Variants in SUSD1 observed in about 807,000 individuals in gnomAD.
SUSD1 encodes the protein sushi domain containing 1, also known as sushi domain-containing protein 1.
In SUSD1, 65 loss-of-function variants were observed where a neutral mutation model predicts 86.9. That is an observed-to-expected ratio of 0.75 (90% CI 0.61 to 0.92). SUSD1 has a LOEUF of 0.92. Ranked by LOEUF, SUSD1 falls within the 40% of genes least tolerant of loss-of-function variation. The pLI, the probability that SUSD1 is intolerant of heterozygous loss-of-function variation, is 0.00. For missense variants in SUSD1, 850 were observed against 929.7 expected (o/e 0.91, Z 1.11); for synonymous variants, 346 against 350.0 (o/e 0.99, Z 0.13).
At chr9:112,121,725 G>A (rs544274359) in intron 6 of SUSD1, among the ~76,000 whole-genome samples, 13 of 152,304 alleles carry the variant, frequency 8.5e-5, no homozygotes, top group Admixed American at 2.6e-4. Flanking sequence ...AAAGCTCCTG[G>A]AGATTTCACT....
intron 13 of SUSD1, among the ~76,000 whole-genome samples, chr9:112,059,984 C>G (rs940525176): frequency 1.4e-5 from 2 of 138,226 alleles, no homozygotes; most frequent in African/African-American, 5.3e-5. Flanking sequence ...ATGAATGATT[C>G]TTGAGTTGAA....
intron 6 of SUSD1, among the ~76,000 whole-genome samples, chr9:112,121,587 C>CCACT (rs1295271916): frequency 6.6e-6 from 1 of 152,166 alleles, no homozygotes; most frequent in Non-Finnish European, 1.5e-5. Flanking sequence ...TCGTTATGAA[C>CCACT]CACTGCTCTA....
chr9:112,172,553 A>T (rs988375513), intron 1 of SUSD1, among the ~76,000 whole-genome samples: 1 of 152,124 alleles, frequency 6.6e-6, no homozygotes, highest in Non-Finnish European at 1.5e-5. Context: ...ATCTCTCCAA[A>T]TCCATAACAG....
chr9:112,095,363 A>G (rs1027890870), intron 10 of SUSD1, among the ~76,000 whole-genome samples: 2 of 152,370 alleles, frequency 1.3e-5, no homozygotes, highest in South Asian at 4.1e-4. Context: ...CTAAGTAAGA[A>G]CGTTCTCAGA....
intron 10 of SUSD1, among the ~76,000 whole-genome samples, chr9:112,081,339 C>G (rs1385506644): frequency 1.3e-5 from 2 of 152,218 alleles, no homozygotes; most frequent in East Asian, 3.8e-4. Context: ...CGACTCCTCT[C>G]TATGGATTGG....
intron 1 of SUSD1, among the ~76,000 whole-genome samples, chr9:112,165,990 A>AAAGAAAGGAAGG (rs1564358447): frequency 6.6e-6 from 1 of 151,684 alleles, no homozygotes; most frequent in East Asian, 1.9e-4. Flanking sequence ...AGAAAGAAAG[A>AAAGAAAGGAAGG]AAGAAAATAA....
At chr9:112,064,908 C>A (rs754375763) in intron 12 of SUSD1, among the ~76,000 whole-genome samples, 3 of 151,594 alleles carry the variant, frequency 2.0e-5, no homozygotes, top group Non-Finnish European at 4.4e-5. Context: ...GCCTCAGACC[C>A]AAACCAGTTT....
At chr9:112,047,565 T>C (rs1421630847) in intron 15 of SUSD1, among the ~76,000 whole-genome samples, 1 of 152,174 alleles carries the variant, frequency 6.6e-6, no homozygotes, top group Admixed American at 6.5e-5. Flanking sequence ...TGAAATTTAA[T>C]CCTCAATGTG....
At chr9:112,089,710 G>A (rs1290932652) in intron 10 of SUSD1, among the ~76,000 whole-genome samples, 3 of 151,620 alleles carry the variant, frequency 2.0e-5, no homozygotes, top group Non-Finnish European at 4.4e-5. Flanking sequence ...TACTCGGGAG[G>A]CTGAAGCAGG....
At chr9:112,048,650 G>T (rs1828058418) in intron 15 of SUSD1, among the ~76,000 whole-genome samples, 2 of 152,182 alleles carry the variant, frequency 1.3e-5, no homozygotes, top group Non-Finnish European at 2.9e-5. Flanking sequence ...GTAGAAGACA[G>T]ACAAAACAAG....
intron 15 of SUSD1, among the ~76,000 whole-genome samples, chr9:112,044,653 T>C (rs1827880692): frequency 6.6e-6 from 1 of 152,214 alleles, no homozygotes; most frequent in Non-Finnish European, 1.5e-5. Flanking sequence ...TTACACCATA[T>C]ATCAAAATAA....
intron 5 of SUSD1, among the ~76,000 whole-genome samples, chr9:112,141,705 A>G (rs1373458359): frequency 6.8e-6 from 1 of 147,022 alleles, no homozygotes; most frequent in Non-Finnish European, 1.5e-5. Context: ...TAAAAAATAT[A>G]TAATATATTA....
chr9:112,101,846 C>CAAAAAATAAAAAT (rs1323625502), intron 9 of SUSD1, among the ~76,000 whole-genome samples: 1 of 151,624 alleles, frequency 6.6e-6, no homozygotes, highest in Admixed American at 6.6e-5. Flanking sequence ...AACTCAGTCT[C>CAAAAAATAAAAAT]AAAAAATAAA....
At chr9:112,129,263 T>A (rs766309228) in intron 5 of SUSD1, among the ~76,000 whole-genome samples, 2 of 152,150 alleles carry the variant, frequency 1.3e-5, no homozygotes, top group Non-Finnish European at 2.9e-5. Flanking sequence ...TACCTACACT[T>A]AGAGATATAC....
In SUSD1 at chr9:112,138,818, A is replaced by C. The variant is rs377658461; in HGVS notation, c.706+3502T>G. Among the ~76,000 whole-genome samples the C allele has an allele frequency of 3.8e-4, 58 of 152,278 alleles. No homozygotes were observed. The East Asian group carries it at 7.7e-3, about 20-fold the overall frequency. On this transcript the variant is annotated intron_variant, in intron 5 of 16. Transcript: ENST00000374270. ...TATTGGATACATAATATTCCATTTT[A>C]AGGGATTGATTCACTTAACCAATCT... is the stretch of plus-strand genomic sequence containing the variant.
At chr9:112,154,614 G>A (rs924555603) in intron 2 of SUSD1, among the ~76,000 whole-genome samples, 1 of 152,146 alleles carries the variant, frequency 6.6e-6, no homozygotes, top group Non-Finnish European at 1.5e-5. Context: ...CCAAGTGTCC[G>A]TCCTAGGTTA....
intron 2 of SUSD1, among the ~76,000 whole-genome samples, chr9:112,156,308 G>A (rs113089931): frequency 0.24 from 36,467 of 151,602 alleles, 4,574 homozygotes; most frequent in African/African-American, 0.31. Context: ...CTAAAAATAC[G>A]AAAATTAGCT....
intron 1 of SUSD1, among the ~76,000 whole-genome samples, chr9:112,160,009 GAA>G (rs1833497571): frequency 6.9e-6 from 1 of 145,578 alleles, no homozygotes; most frequent in South Asian, 2.2e-4. Context: ...AAAAGAGAGA[GAA>G]AAGCAGGCAG....
At chr9:112,119,195 C>T (rs927246543) in intron 6 of SUSD1, among the ~76,000 whole-genome samples, 8 of 152,216 alleles carry the variant, frequency 5.3e-5, no homozygotes, top group South Asian at 4.1e-4. Flanking sequence ...GAAATGAAAT[C>T]GAGCATTAAG....
Sources: allele counts gnomAD v4.1 joint callset (sites outside exome capture counted in the v4.1 genomes callset), GRCh38; gene constraint gnomAD v4.1.1; transcripts MANE v1.5; gene names NCBI Gene and HGNC (gene_info 2026-07-23, HGNC 2026-07-21).